RTN1: variants seen among roughly 807,000 people sequenced by gnomAD.
RTN1 encodes the protein reticulon-1.
Under a neutral mutation model 65.5 loss-of-function variants are expected in RTN1, and 25 were observed. That is an observed-to-expected ratio of 0.38 (90% CI 0.28 to 0.53). RTN1 has a LOEUF of 0.53. Ranked by LOEUF, RTN1 falls within the 20% of genes least tolerant of loss-of-function variation. The pLI is 0.79. For missense variants in RTN1, 983 were observed against 1,025.4 expected, an observed-to-expected ratio of 0.96 and a Z score of 0.57; for synonymous variants, 471 against 447.6, an observed-to-expected ratio of 1.05 and a Z score of -0.66.
chr14:59,724,981 GATT>G (rs1884727778), intron 3 of RTN1, among the ~76,000 whole-genome samples: 1 of 152,142 alleles, frequency 6.6e-6, no homozygotes, highest in Admixed American at 6.5e-5. Flanking sequence ...AGAGAGTGGA[GATT>G]ATTCACCTTG....
chr14:59,782,266 G>C (rs1320695702), intron 1 of RTN1, among the ~76,000 whole-genome samples: 2 of 152,088 alleles, frequency 1.3e-5, no homozygotes, highest in African/African-American at 4.8e-5. Flanking sequence ...TAAGACATAG[G>C]ATAGAAGAGT....
At chr14:59,650,241 G>A (rs947285735) in intron 3 of RTN1, among the ~76,000 whole-genome samples, 2 of 152,086 alleles carry the variant, frequency 1.3e-5, no homozygotes, top group African/African-American at 2.4e-5. Context: ...CACACACCAG[G>A]GCCTGTCAGA....
intron 1 of RTN1, among the ~76,000 whole-genome samples, chr14:59,795,262 A>G (rs1259121384): frequency 1.3e-5 from 2 of 152,266 alleles, no homozygotes; most frequent in Non-Finnish European, 2.9e-5. Flanking sequence ...TAGTAGCATA[A>G]CAAGTGTGAG....
intron 1 of RTN1, among the ~76,000 whole-genome samples, chr14:59,779,297 G>A (rs560721120): frequency 2.6e-5 from 4 of 152,210 alleles, no homozygotes; most frequent in South Asian, 2.1e-4. Flanking sequence ...TCTGTCATAC[G>A]AAGGGGAGAA....
intron 3 of RTN1, among the ~76,000 whole-genome samples, chr14:59,716,611 A>T (rs891321250): frequency 6.6e-6 from 1 of 152,208 alleles, no homozygotes; most frequent in Non-Finnish European, 1.5e-5. Flanking sequence ...ATTCATTTAA[A>T]GACATATCTT....
chr14:59,639,900 A>C (rs1882741078), intron 3 of RTN1, among the ~76,000 whole-genome samples: 1 of 152,170 alleles, frequency 6.6e-6, no homozygotes, highest in African/African-American at 2.4e-5. Flanking sequence ...CATCATTTTA[A>C]TATATCACTA....
intron 3 of RTN1, among the ~76,000 whole-genome samples, chr14:59,708,163 A>C (rs904168520): frequency 3.3e-5 from 5 of 152,232 alleles, no homozygotes; most frequent in African/African-American, 1.2e-4. Context: ...GGAATATGTT[A>C]ATATTATTCA....
chr14:59,798,088 C>T lies in RTN1; in HGVS notation c.242-51607G>A, dbSNP rs1014661005. Among the ~76,000 whole-genome samples, 8 of 152,158 alleles carry T rather than the reference C, an allele frequency of 5.3e-5. No individual in the cohort carries two copies. In the South Asian group the frequency reaches 6.2e-4, roughly 12 times the overall value. On this transcript the variant is annotated intron_variant, in intron 1 of 8. Transcript: ENST00000267484. ...TCTTATCCTGGGCAAATGGATATAA[C>T]ACCCCTTATTCCAGAGATATACTGT...
chr14:59,603,117 T>A lies in RTN1; in HGVS notation c.2236A>T (p.Ile746Phe). 1 of 1,612,998 alleles carries A rather than the reference T, an allele frequency of 6.2e-7. No homozygotes were observed. Among genetic ancestry groups the A allele is most frequent in the Admixed American group, 1.7e-5 (1 of 59,932 alleles). ...PVVYVKHQAQ[I>F]DQYLGLVRTH... ...CTCACAAGTCCCAGATATTGGTCAA[T>A]CTGTGCCTACATAAAGAAAAAAAAA... is the stretch of plus-strand genomic sequence containing the variant. Residue 746 changes from isoleucine to phenylalanine, a missense_variant, in exon 8 of 9, where the codon ATT becomes TTT. Around this residue, in one of 2 missense-constraint regions of RTN1, gnomAD observed 165 missense variants for 223.6 expected, o/e 0.74. Coordinates refer to ENST00000267484, the MANE Select transcript of RTN1 (RefSeq NM_021136.3).
chr14:59,642,045 A>G (rs1402514829), intron 3 of RTN1, among the ~76,000 whole-genome samples: 1 of 152,132 alleles, frequency 6.6e-6, no homozygotes, highest in Non-Finnish European at 1.5e-5. Flanking sequence ...CATGGCAAGT[A>G]TTTATATTAA....
At chr14:59,865,411 T>C (rs900960212) in intron 1 of RTN1, among the ~76,000 whole-genome samples, 2 of 152,212 alleles carry the variant, frequency 1.3e-5, no homozygotes, top group African/African-American at 4.8e-5. Context: ...AAAGTAGTAA[T>C]ACAAGATTTT....
At chr14:59,821,412 T>C (rs183323404) in intron 1 of RTN1, among the ~76,000 whole-genome samples, 142 of 152,346 alleles carry the variant, frequency 9.3e-4, no homozygotes, top group Middle Eastern at 3.4e-3. Flanking sequence ...CTCCCAGCCT[T>C]TGGATACAGA....
intron 3 of RTN1, among the ~76,000 whole-genome samples, chr14:59,645,888 C>T (rs986674427): frequency 1.3e-5 from 2 of 152,190 alleles, no homozygotes; most frequent in South Asian, 4.1e-4. Context: ...CACAAGAACT[C>T]TGACAAGTCA....
intron 1 of RTN1, among the ~76,000 whole-genome samples, chr14:59,853,060 G>A (rs922694120): frequency 6.6e-6 from 1 of 152,146 alleles, no homozygotes; most frequent in Non-Finnish European, 1.5e-5. Context: ...TGATCTCTAT[G>A]AGAGTATCTG....
Position 59,727,349 on chromosome 14 carries a change from G to C in RTN1, c.1335C>G (p.Ala445=). The change falls in exon 3 of 9, where the codon GCC becomes GCG. Residue 445 remains alanine, a synonymous_variant. Coordinates refer to ENST00000267484, the MANE Select transcript of RTN1 (RefSeq NM_021136.3). The surrounding 1 kb of genome is among the most constrained non-coding windows in gnomAD (Gnocchi z 4.2). ...GHVGGPPPSP[A]SPSIQYSILR... ...GGATGCTGTACTGGATGGATGGCGA[G>C]GCGGGCGAGGGCGGCGGGCCGCCCA... 6.7e-7 allele frequency: 1 copy of C among 1,500,944 alleles called. No individual in the cohort carries two copies. Among genetic ancestry groups the C allele is most frequent in the Non-Finnish European group, 8.9e-7 (1 of 1,124,188 alleles). 93.0% of individuals were successfully genotyped at this position (1,500,944 alleles called of 1,614,324 possible). A position where few individuals can be genotyped will look rare whatever the true frequency, so the allele number is the denominator to read the frequency against.
chr14:59,741,203 G>C (rs1885110038), intron 2 of RTN1, among the ~76,000 whole-genome samples: 1 of 152,056 alleles, frequency 6.6e-6, no homozygotes, highest in African/African-American at 2.4e-5. Context: ...GCTGCTCCTG[G>C]AACAGACAAG....
chr14:59,834,399 G>C (rs1887179075), intron 1 of RTN1, among the ~76,000 whole-genome samples: 1 of 152,088 alleles, frequency 6.6e-6, no homozygotes, highest in South Asian at 2.1e-4. Flanking sequence ...CTCTTTAAAA[G>C]AGACTGTTAA....
intron 3 of RTN1, among the ~76,000 whole-genome samples, chr14:59,714,348 T>C (rs1001667452): frequency 6.6e-6 from 1 of 152,198 alleles, no homozygotes; most frequent in African/African-American, 2.4e-5. Flanking sequence ...GTTATCCCAT[T>C]AGAATAATGC....
intron 1 of RTN1, among the ~76,000 whole-genome samples, chr14:59,814,381 A>T (rs1214010500): frequency 2.0e-5 from 3 of 152,348 alleles, no homozygotes; most frequent in African/African-American, 7.2e-5. Flanking sequence ...AGCTGATTGC[A>T]TATTGGCAGT....
Sources: allele counts gnomAD v4.1 joint callset (sites outside exome capture counted in the v4.1 genomes callset), GRCh38; gene constraint gnomAD v4.1.1; regional missense constraint gnomAD v4.1.1; non-coding constraint Gnocchi (gnomAD v3.1); transcripts MANE v1.5; gene names NCBI Gene and HGNC (gene_info 2026-07-23, HGNC 2026-07-21).